Variants in AMZ2 observed in about 807,000 individuals in gnomAD.
AMZ2 encodes archaelysin family metallopeptidase 2.
Under a neutral mutation model 36.7 loss-of-function variants are expected in AMZ2, and 26 were observed. The observed-to-expected ratio is 0.71, with a 90% CI of 0.52 to 0.98. The LOEUF is 0.98. Among genes scored for constraint, AMZ2 ranks in the 50% least tolerant of loss-of-function variants. The probability of loss-of-function intolerance (pLI) is 0.00; values close to 1 mark genes in which losing one functional copy is unlikely to be tolerated. For synonymous variants in AMZ2, 144 were observed against 149.1 expected, an observed-to-expected ratio of 0.97 and a Z score of 0.25; for missense variants, 394 against 430.5, an observed-to-expected ratio of 0.92 and a Z score of 0.75.
At chr17:68,220,822 G>A (rs1260977997) in intron 1 of AMZ2, among the ~76,000 whole-genome samples, 7 of 137,428 alleles carry the variant, frequency 5.1e-5, no homozygotes, top group South Asian at 2.3e-4. Flanking sequence ...AATCTGTCTC[G>A]CCCAGGCTGG....
chr17:68,219,715 G>C (rs1177086334), intron 1 of AMZ2, among the ~76,000 whole-genome samples: 2 of 79,730 alleles, frequency 2.5e-5, no homozygotes, highest in Admixed American at 2.4e-4. Context: ...TTTTTTTTTT[G>C]TAGAGATGAG....
At chr17:68,238,603 AAT>A (rs1359308763) in intron 1 of AMZ2, among the ~76,000 whole-genome samples, 3 of 151,958 alleles carry the variant, frequency 2.0e-5, no homozygotes, top group Admixed American at 2.0e-4. Context: ...ACACACACAC[AAT>A]CAGATTGTGG....
intron 1 of AMZ2, among the ~76,000 whole-genome samples, chr17:68,228,310 C>A (rs1243729254): frequency 1.1e-4 from 17 of 152,220 alleles, no homozygotes; most frequent in Non-Finnish European, 2.2e-4. Flanking sequence ...AAAAGGGAAA[C>A]TTCTCATCTG....
At position 68,252,020 on chromosome 17, in the gene AMZ2, C is replaced by CTT. The variant is rs77277694; in HGVS notation, c.586+854_586+855dup. Among the ~76,000 whole-genome samples the CTT allele has an allele frequency of 6.2e-3, 898 of 144,302 alleles. 5 individuals are homozygous for CTT. The highest frequency in any genetic ancestry group is 0.022 in the African/African-American group (853 of 39,570). 94.7% of individuals were successfully genotyped at this position (144,302 alleles called of 152,430 possible). A position where few individuals can be genotyped will look rare whatever the true frequency, so the allele number is the denominator to read the frequency against. On this transcript the variant is annotated intron_variant, in intron 4 of 6. Transcript: ENST00000359904. ...TCTGCAAACCGGTCATATTTTTAAC[C>CTT]TTTTTTTTTTTTTGTCATCTCTCTA...
chr17:68,208,814 C>T (rs1452940370), intron 1 of AMZ2, among the ~76,000 whole-genome samples: 14 of 151,902 alleles, frequency 9.2e-5, no homozygotes, highest in Admixed American at 7.9e-4. Flanking sequence ...GCCTTAAGAG[C>T]GGTAACACTC....
intron 1 of AMZ2, among the ~76,000 whole-genome samples, chr17:68,213,515 C>G (rs1259238995): frequency 6.6e-6 from 1 of 152,154 alleles, no homozygotes; most frequent in Non-Finnish European, 1.5e-5. Flanking sequence ...AATGTGCTGT[C>G]GAGAGGTCTG....
At chr17:68,210,101 C>T (rs1555725558) in intron 1 of AMZ2, among the ~76,000 whole-genome samples, 1 of 152,074 alleles carries the variant, frequency 6.6e-6, no homozygotes, top group Non-Finnish European at 1.5e-5. Context: ...AATGTAAAAC[C>T]ATGTAACACT....
chr17:68,232,091 T>C (rs1461018860), intron 1 of AMZ2, among the ~76,000 whole-genome samples: 1 of 144,850 alleles, frequency 6.9e-6, no homozygotes, highest in Non-Finnish European at 1.5e-5. Context: ...ATGTGTTCTT[T>C]AGCAAGACTT....
intron 5 of AMZ2, among the ~76,000 whole-genome samples, chr17:68,254,782 A>T (rs1402377459): frequency 1.3e-5 from 2 of 152,218 alleles, no homozygotes; most frequent in African/African-American, 4.8e-5. Context: ...TTTCTGTACT[A>T]CTAGTTACAG....
chr17:68,253,745 C>G (rs1473505922), intron 4 of AMZ2, among the ~76,000 whole-genome samples: 3 of 142,942 alleles, frequency 2.1e-5, no homozygotes, highest in Non-Finnish European at 3.0e-5. Context: ...TCATGACTTC[C>G]TATTGTTCAT....
Position 68,236,749 on chromosome 17 carries a change from T to A in AMZ2, c.-66-11891T>A, listed in dbSNP as rs186338980. Among the ~76,000 whole-genome samples, 728 of 151,920 alleles carry A rather than the reference T, an allele frequency of 4.8e-3. 2 individuals carry two copies. The highest frequency in any genetic ancestry group is 0.01 in the Middle Eastern group (3 of 294). ...ACCACATCCCAGCTAATTTTTTTTT[T>A]ATATATATTTTAGTAGAGACGGGTT... On this transcript the variant is annotated intron_variant, in intron 1 of 7. Transcript: ENST00000674770.
At chr17:68,224,936 G>A (rs1835579837) in intron 1 of AMZ2, among the ~76,000 whole-genome samples, 3 of 151,770 alleles carry the variant, frequency 2.0e-5, no homozygotes, top group African/African-American at 7.3e-5. Context: ...CCAGCATTTT[G>A]GGAGGCGGAG....
At chr17:68,245,143 A>G (rs1353065610), upstream of AMZ2, among the ~76,000 whole-genome samples, 1 of 151,992 alleles carries the variant, frequency 6.6e-6, no homozygotes, top group South Asian at 2.1e-4. Context: ...CTGCAACTGC[A>G]TATTAGTTAA....
At chr17:68,246,363 G>A (rs1341476449), upstream of AMZ2, among the ~76,000 whole-genome samples, 16 of 151,978 alleles carry the variant, frequency 1.1e-4, no homozygotes, top group South Asian at 2.1e-4. Context: ...GCGAGACTTC[G>A]TGTCAAGTAA....
chr17:68,243,906 G>A (rs1312681023), upstream of AMZ2, among the ~76,000 whole-genome samples: 4 of 152,202 alleles, frequency 2.6e-5, no homozygotes, highest in East Asian at 5.8e-4. Flanking sequence ...TTGGGAGGGG[G>A]AAGAACTAAC....
chr17:68,208,726 G>A (rs868965875), intron 1 of AMZ2, among the ~76,000 whole-genome samples: 1 of 152,138 alleles, frequency 6.6e-6, no homozygotes, highest in South Asian at 2.1e-4. Context: ...AATACTCACC[G>A]CGACGGTCTG....
intron 1 of AMZ2, among the ~76,000 whole-genome samples, chr17:68,211,225 G>T (rs142208738): frequency 6.6e-6 from 1 of 152,116 alleles, no homozygotes; most frequent in East Asian, 1.9e-4. Flanking sequence ...GGAATTGGCC[G>T]GGCACGGTGG....
At chr17:68,230,354 A>G (rs28375534) in intron 1 of AMZ2, among the ~76,000 whole-genome samples, 24,033 of 152,150 alleles carry the variant, frequency 0.16, 1,980 homozygotes, top group East Asian at 0.29. Flanking sequence ...GATTACAGGC[A>G]TGAGCTTCTG....
chr17:68,255,687 G>A lies in AMZ2; in HGVS notation c.751-13G>A, dbSNP rs782543846. 6.2e-7 allele frequency: 1 copy of A among 1,610,980 alleles called. No homozygotes were observed. The highest frequency in any genetic ancestry group is 1.1e-5 in the South Asian group (1 of 90,976). ...TGGTGGTCTTATAAAGCCTCAACAT[G>A]ATTGTCTTGCAGACTTTAACCCATG... is the stretch of plus-strand genomic sequence containing the variant. On this transcript the variant is annotated splice_polypyrimidine_tract_variant and intron_variant, in intron 5 of 6. Coordinates refer to ENST00000359904, the MANE Select transcript of AMZ2 (RefSeq NM_016627.5).
Sources: gnomAD v4.1 joint callset for allele counts (sites outside exome capture counted in the v4.1 genomes callset) on GRCh38, gnomAD v4.1.1 for gene constraint, MANE v1.5 for transcripts, NCBI Gene and HGNC (gene_info 2026-07-23, HGNC 2026-07-21) for gene names.